RFX3: variants seen among roughly 807,000 people sequenced by gnomAD.
RFX3 encodes the protein transcription factor RFX3.
In RFX3, 14 loss-of-function variants were observed where a neutral mutation model predicts 98.6. The ratio of observed to expected loss-of-function variants is 0.14; its 90% CI spans 0.09 to 0.22. The LOEUF is 0.22. Ranked by LOEUF, RFX3 falls within the 10% of genes least tolerant of loss-of-function variation. The pLI is 1.00. For missense variants in RFX3, 639 were observed against 926.9 expected, an observed-to-expected ratio of 0.69 and a Z score of 4.03; for synonymous variants, 383 against 328.4, an observed-to-expected ratio of 1.17 and a Z score of -1.80.
At chr9:3,250,555 C>T (rs111425851) in intron 14 of RFX3, among the ~76,000 whole-genome samples, 3,784 of 152,032 alleles carry the variant, frequency 0.025, 164 homozygotes, top group African/African-American at 0.087. Context: ...CAGTATTTGT[C>T]AAAATTTAAA....
intron 2 of RFX3, among the ~76,000 whole-genome samples, chr9:3,360,522 A>T (rs1159034719): frequency 6.6e-6 from 1 of 152,112 alleles, no homozygotes; most frequent in Non-Finnish European, 1.5e-5. Context: ...GAAGGGAAAA[A>T]AAATTATCCC....
intron 1 of RFX3, among the ~76,000 whole-genome samples, chr9:3,492,390 C>T (rs1188312455): frequency 6.6e-6 from 1 of 152,254 alleles, no homozygotes; most frequent in Non-Finnish European, 1.5e-5. Flanking sequence ...CCTTGGGCCA[C>T]TCACTTTAGA....
chr9:3,290,538 T>G (rs2991291), intron 6 of RFX3, among the ~76,000 whole-genome samples: 17,134 of 152,118 alleles, frequency 0.11, 2,668 homozygotes, highest in African/African-American at 0.35. Flanking sequence ...GAGGAGATAG[T>G]AGGTTAGGTC....
intron 6 of RFX3, among the ~76,000 whole-genome samples, chr9:3,292,072 A>C (rs1217581155): frequency 7.5e-6 from 1 of 132,704 alleles, no homozygotes; most frequent in African/African-American, 2.7e-5. Context: ...AAAAAAAAAA[A>C]AAAAAAAAAA....
At position 3,293,229 on chromosome 9, in the gene RFX3, T is replaced by C. The variant is rs1372214167; in HGVS notation, c.579A>G (p.Thr193=). The change falls in exon 6 of 17, where the codon ACA becomes ACG. Residue 193 remains threonine (T), a synonymous_variant. Transcript: ENST00000617270. Reference sequence around the variant, plus strand: ...TTCTGGGAAGGCTCACTCCTTCTGCTGTCTCATAATTGTCCAACAGCCACT... The same window carrying C: ...TTCTGGGAAGGCTCACTCCTTCTGCCGTCTCATAATTGTCCAACAGCCACT... ...HLQWLLDNYE[T]AEGVSLPRST... The C allele has an allele frequency of 1.9e-6, 3 of 1,607,012 alleles. No homozygotes were observed. The highest frequency in any genetic ancestry group is 2.2e-5 in the East Asian group (1 of 44,498).
chr9:3,424,063 C>T (rs1191017879), intron 1 of RFX3, among the ~76,000 whole-genome samples: 1 of 150,742 alleles, frequency 6.6e-6, no homozygotes, highest in Non-Finnish European at 1.5e-5. Flanking sequence ...AGGAGAATGA[C>T]GTGAACCCGG....
intron 3 of RFX3, 43 bp downstream of exon 3, chr9:3,346,624 C>G: frequency 8.1e-7 from 1 of 1,238,462 alleles, no homozygotes; most frequent in Non-Finnish European, 1.2e-6. Flanking sequence ...CATTATTTTT[C>G]TCTGAGTGGG....
chr9:3,505,816 A>G (rs1817033887), intron 1 of RFX3, among the ~76,000 whole-genome samples: 1 of 149,078 alleles, frequency 6.7e-6, no homozygotes, highest in Admixed American at 6.7e-5. Context: ...TTTTTTCCAT[A>G]GCATTGACAA....
At chr9:3,406,465 T>G (rs1841984107) in intron 1 of RFX3, among the ~76,000 whole-genome samples, 1 of 152,040 alleles carries the variant, frequency 6.6e-6, no homozygotes, top group Non-Finnish European at 1.5e-5. Flanking sequence ...GCATACTATC[T>G]TTACTCAGTA....
chr9:3,360,044 T>A (rs1025207557), intron 2 of RFX3, among the ~76,000 whole-genome samples: 6 of 152,166 alleles, frequency 3.9e-5, no homozygotes, highest in African/African-American at 1.4e-4. Flanking sequence ...GAAACCAGCA[T>A]CTTGTAGTCA....
rs555828449 is a variant in RFX3, at chr9:3,439,099, G to A, written c.-8-43503C>T. Among the ~76,000 whole-genome samples, 25 of 151,616 alleles carry A rather than the reference G, an allele frequency of 1.6e-4. No individual in the cohort carries two copies. In the South Asian group the frequency reaches 4.6e-3, roughly 28 times the overall value. On this transcript the variant is annotated intron_variant, in intron 1 of 16. Coordinates refer to ENST00000617270, the MANE Select transcript of RFX3 (RefSeq NM_001282116.2). ...AAAGGGTCAAAGAAGAAACAAAAAC[G>A]GGGATTAGAAAGTATTTTAAACTGA...
At chr9:3,231,648 G>A (rs533141999) in intron 15 of RFX3, among the ~76,000 whole-genome samples, 1 of 152,030 alleles carries the variant, frequency 6.6e-6, no homozygotes, top group Non-Finnish European at 1.5e-5. Flanking sequence ...TTTATGGCAT[G>A]CAACAAGTCA....
At chr9:3,296,976 T>C (rs180861593) in intron 5 of RFX3, among the ~76,000 whole-genome samples, 1 of 152,242 alleles carries the variant, frequency 6.6e-6, no homozygotes, top group East Asian at 1.9e-4. Context: ...GTGATGGAAT[T>C]ATAAATCAGA....
intron 1 of RFX3, among the ~76,000 whole-genome samples, chr9:3,508,875 G>A (rs1195118774): frequency 2.6e-5 from 4 of 151,770 alleles, no homozygotes; most frequent in Non-Finnish European, 4.4e-5. Context: ...CAGGGTTAGG[G>A]CTCAAACTGC....
At chr9:3,366,812 A>C (rs892764646) in intron 2 of RFX3, among the ~76,000 whole-genome samples, 1 of 149,782 alleles carries the variant, frequency 6.7e-6, no homozygotes, top group Non-Finnish European at 1.5e-5. Context: ...ATTGCATTGA[A>C]ATCATGCATG....
chr9:3,382,496 T>C (rs1008355793), intron 2 of RFX3, among the ~76,000 whole-genome samples: 1 of 152,190 alleles, frequency 6.6e-6, no homozygotes, highest in Non-Finnish European at 1.5e-5. Flanking sequence ...TATATCCTAC[T>C]AATTAAAACA....
intron 4 of RFX3, among the ~76,000 whole-genome samples, chr9:3,326,410 T>G (rs1357317374): frequency 6.6e-6 from 1 of 152,144 alleles, no homozygotes; most frequent in Non-Finnish European, 1.5e-5. Flanking sequence ...GCATGGGGAT[T>G]TATTGTACCA....
intron 1 of RFX3, among the ~76,000 whole-genome samples, chr9:3,426,490 A>G (rs1844045137): frequency 6.6e-6 from 1 of 152,146 alleles, no homozygotes; most frequent in African/African-American, 2.4e-5. Context: ...GACTGTTAGG[A>G]AACAGACCAC....
intron 15 of RFX3, among the ~76,000 whole-genome samples, chr9:3,231,321 G>C (rs1423534696): frequency 2.6e-5 from 4 of 152,158 alleles, no homozygotes; most frequent in Admixed American, 2.6e-4. Flanking sequence ...TACATGTGAG[G>C]GGACAACAGA....
Sources: allele counts gnomAD v4.1 joint callset (sites outside exome capture counted in the v4.1 genomes callset), GRCh38; gene constraint gnomAD v4.1.1; transcripts MANE v1.5; gene names NCBI Gene and HGNC (gene_info 2026-07-23, HGNC 2026-07-21).